TLE4: variants seen among roughly 807,000 people sequenced by gnomAD.
TLE4 encodes transducin-like enhancer protein 4.
TLE4 carries 8 observed loss-of-function variants against 92.8 expected under a neutral mutation model. The ratio of observed to expected loss-of-function variants is 0.09; its 90% CI spans 0.05 to 0.16. TLE4 has a LOEUF of 0.16. Ranked by LOEUF, TLE4 falls within the 10% of genes least tolerant of loss-of-function variation. The pLI is 1.00. For missense variants in TLE4, 675 were observed against 997.6 expected, an observed-to-expected ratio of 0.68 and a Z score of 4.36; for synonymous variants, 371 against 374.1, an observed-to-expected ratio of 0.99 and a Z score of 0.10.
chr9:79,683,606 A>G (rs957739354), intron 8 of TLE4, among the ~76,000 whole-genome samples: 12 of 152,238 alleles, frequency 7.9e-5, no homozygotes, highest in Non-Finnish European at 4.4e-5. Context: ...AAGTTACATC[A>G]ACATACAACT....
chr9:79,572,927 G>T, intron 1 of TLE4, 92 bp downstream of exon 1: 1 of 1,385,974 alleles, frequency 7.2e-7, no homozygotes, highest in Non-Finnish European at 9.8e-7. Context: ...TTGGCCGGAG[G>T]GGCGTGGAGA....
chr9:79,601,468 C>T (rs1178063947), intron 4 of TLE4: 1 of 455,296 alleles, frequency 2.2e-6, no homozygotes, highest in Non-Finnish European at 4.4e-6. Context: ...AGCTGTTCTT[C>T]CAATAGCCTG....
chr9:79,578,809 A>G (rs1346917062), intron 4 of TLE4, among the ~76,000 whole-genome samples: 1 of 150,384 alleles, frequency 6.6e-6, no homozygotes, highest in Non-Finnish European at 1.5e-5. Context: ...AGTAAATAGC[A>G]TTAGTCTGGT....
chr9:79,611,638 A>G (rs1005286113), intron 4 of TLE4, among the ~76,000 whole-genome samples: 28 of 152,150 alleles, frequency 1.8e-4, no homozygotes, highest in African/African-American at 6.3e-4. Flanking sequence ...TCTGCCTTTC[A>G]ATTCTTCTTA....
chr9:79,572,935 AG>A lies in TLE4; in HGVS notation c.45+101del. The stretch of plus-strand genomic sequence containing the variant: ...GTGTCTTTTGGCCGGAGGGGCGTGG[AG>A]AGCCGCCCGAAATCGGCGCCCCGCG... On this transcript the variant is annotated intron_variant, in intron 1 of 19. Transcript: ENST00000376552. 5 of 1,299,504 alleles carry A rather than the reference AG, an allele frequency of 3.8e-6. No individual in the cohort carries two copies. In the South Asian group the frequency reaches 6.9e-5, roughly 18 times the overall value. The allele number at this position is 1,299,504 out of a possible 1,614,324, so 80.5% of individuals were successfully genotyped here.
At chr9:79,707,008 C>G in intron 11 of TLE4, 109 bp downstream of exon 11, 2 of 1,553,906 alleles carry the variant, frequency 1.3e-6, no homozygotes, top group Non-Finnish European at 1.7e-6. Context: ...CTTTTATTTC[C>G]AAATGTATAT....
chr9:79,623,562 G>C (rs538067536), intron 5 of TLE4, among the ~76,000 whole-genome samples: 1 of 151,896 alleles, frequency 6.6e-6, no homozygotes, highest in Non-Finnish European at 1.5e-5. Context: ...TGTTTGTATT[G>C]CTTAAATCAC....
chr9:79,590,243 T>A (rs2042212797), intron 4 of TLE4, among the ~76,000 whole-genome samples: 1 of 152,202 alleles, frequency 6.6e-6, no homozygotes, highest in Non-Finnish European at 1.5e-5. Context: ...GCTTGAACAT[T>A]TTTTGGGTGA....
chr9:79,674,994 C>T (rs1431716168), intron 8 of TLE4, among the ~76,000 whole-genome samples: 1 of 152,068 alleles, frequency 6.6e-6, no homozygotes, highest in African/African-American at 2.4e-5. Context: ...GATTTTCTAG[C>T]TTGATGTCAT....
intron 8 of TLE4, among the ~76,000 whole-genome samples, chr9:79,702,655 GAACGTTTGATAGGT>G (rs1338155173): frequency 6.6e-6 from 1 of 152,196 alleles, no homozygotes; most frequent in African/African-American, 2.4e-5. Context: ...GTTTAAGGCT[GAACGTTTGATAGGT>G]CTAGGGCTAG....
intron 4 of TLE4, among the ~76,000 whole-genome samples, chr9:79,598,746 C>T (rs2044750907): frequency 6.6e-6 from 1 of 152,054 alleles, no homozygotes; most frequent in South Asian, 2.1e-4. Context: ...GTTTTCTTCC[C>T]CTCCTCACTC....
intron 11 of TLE4, 33 bp from the exon 12 acceptor site, chr9:79,708,085 T>C: frequency 1.2e-6 from 2 of 1,608,112 alleles, no homozygotes; most frequent in East Asian, 2.2e-5. Context: ...AACCATGTTC[T>C]AATTGCTGGT....
At chr9:79,658,480 C>T (rs529691088) in intron 8 of TLE4, among the ~76,000 whole-genome samples, 77 of 152,162 alleles carry the variant, frequency 5.1e-4, no homozygotes, top group Non-Finnish European at 8.7e-4. Context: ...TATTTTGGGG[C>T]ATAGATGACT....
At chr9:79,590,760 C>T (rs2042345733) in intron 4 of TLE4, among the ~76,000 whole-genome samples, 4 of 152,142 alleles carry the variant, frequency 2.6e-5, no homozygotes, top group Non-Finnish European at 5.9e-5. Flanking sequence ...CTTGATTTTA[C>T]ATTTTGAATC....
At chr9:79,688,100 A>G (rs1262432015) in intron 8 of TLE4, among the ~76,000 whole-genome samples, 1 of 152,126 alleles carries the variant, frequency 6.6e-6, no homozygotes, top group Non-Finnish European at 1.5e-5. Context: ...TGGTCTTCAC[A>G]TTTTAATAGT....
chr9:79,625,436 A>G (rs1472241095), intron 5 of TLE4, among the ~76,000 whole-genome samples: 2 of 152,202 alleles, frequency 1.3e-5, no homozygotes, highest in Non-Finnish European at 2.9e-5. Flanking sequence ...AACACGAACA[A>G]TTTGCACATT....
intron 4 of TLE4, among the ~76,000 whole-genome samples, chr9:79,602,516 G>T (rs1304335010): frequency 6.6e-6 from 1 of 152,186 alleles, no homozygotes; most frequent in Non-Finnish European, 1.5e-5. Flanking sequence ...CCCTGCCTGT[G>T]TTCTATAAAT....
At chr9:79,672,469 C>G (rs1162378828) in intron 8 of TLE4, among the ~76,000 whole-genome samples, 1 of 152,124 alleles carries the variant, frequency 6.6e-6, no homozygotes, top group Non-Finnish European at 1.5e-5. Flanking sequence ...TACATGTTTT[C>G]TACCTCTGGA....
At chr9:79,573,282 A>T in intron 1 of TLE4, 1 of 1,028,094 alleles carries the variant, frequency 9.7e-7, no homozygotes, top group Non-Finnish European at 1.2e-6. Context: ...ACGAGCCGAG[A>T]GGGTGGCGGC....
Sources: gnomAD v4.1 joint callset for allele counts (sites outside exome capture counted in the v4.1 genomes callset) on GRCh38, gnomAD v4.1.1 for gene constraint, MANE v1.5 for transcripts, NCBI Gene and HGNC (gene_info 2026-07-23, HGNC 2026-07-21) for gene names.